Variants in YARS2 observed in about 807,000 individuals in gnomAD.
YARS2 encodes the protein tyrosyl-tRNA synthetase 2.
YARS2 carries 38 observed loss-of-function variants against 45.0 expected under a neutral mutation model. The ratio of observed to expected loss-of-function variants is 0.84; its 90% CI spans 0.65 to 1.11. The LOEUF is 1.11. Ranked by LOEUF, YARS2 falls within the 50% of genes least tolerant of loss-of-function variation. The pLI is 0.00. For missense variants in YARS2, 602 were observed against 599.8 expected (o/e 1.00, Z -0.04); for synonymous variants, 287 against 245.1 (o/e 1.17, Z -1.60).
chr12:32,747,795 C>G (rs1195055738), intron 4 of YARS2, among the ~76,000 whole-genome samples: 1 of 152,132 alleles, frequency 6.6e-6, no homozygotes, highest in African/African-American at 2.4e-5. Flanking sequence ...CTTGGCCTCC[C>G]AAAGTGCTGG....
At chr12:32,754,713 T>C (rs1437004324) in intron 1 of YARS2, among the ~76,000 whole-genome samples, 2 of 140,582 alleles carry the variant, frequency 1.4e-5, no homozygotes, top group East Asian at 4.0e-4. Context: ...CTGTTTCCCT[T>C]TTTTTTTTTT....
Position 32,755,364 on chromosome 12 carries a change from G to T in YARS2, c.511C>A (p.Leu171Met), listed in dbSNP as rs1169652465. 1.9e-6 allele frequency: 3 copies of T among 1,614,094 alleles called. No individual in the cohort carries two copies. In the African/African-American group the frequency reaches 4.0e-5, roughly 21 times the overall value. ...DGRSWGSFTV[L>M]DNSAWYQKQH... ...TTCTGGTACCAGGCCGAGTTGTCCA[G>T]CACAGTGAAGCTGCCCCAGGAGCGC... Residue 171 changes from leucine (L) to methionine (M), a missense_variant, in exon 1 of 5, where the codon CTG becomes ATG. Physicochemically the swap from Leu to Met is conservative, Grantham distance 15. Transcript: ENST00000324868.
chr12:32,748,419 C>T (rs1055749181), intron 4 of YARS2, among the ~76,000 whole-genome samples: 2 of 151,672 alleles, frequency 1.3e-5, no homozygotes, highest in African/African-American at 4.8e-5. Context: ...AGATCATGTT[C>T]TATGTTTAAT....
In YARS2 at chr12:32,755,698, T is replaced by C; in HGVS notation, c.177A>G (p.Ile59Met). The change falls in exon 1 of 5, where the codon ATA becomes ATG. Residue 59 changes from isoleucine (I) to methionine (M), a missense_variant. Transcript: ENST00000324868. ...KDFFPETGTK[I>M]ELPELFDRGT... is the part of the protein sequence containing the mutation. ...CACGGTCGAAGAGCTCTGGGAGCTC[T>C]ATTTTCGTCCCCGTCTCCGGGAAGA... The C allele has an allele frequency of 6.2e-7, 1 of 1,614,262 alleles. No individual in the cohort carries two copies. The highest frequency in any genetic ancestry group is 1.1e-5 in the South Asian group (1 of 91,092).
chr12:32,755,343 G>A lies in YARS2; in HGVS notation c.532C>T (p.Gln178Ter). Residue 178 changes from glutamine to a stop codon, truncating the protein, a stop_gained, in exon 1 of 5, where the codon CAG (glutamine) becomes TAG (stop). Coordinates refer to ENST00000324868, the MANE Select transcript of YARS2 (RefSeq NM_001040436.3). LOFTEE classifies it high-confidence loss of function. ...AGGAAGTCCACCAGGTGCTGCTTCT[G>A]GTACCAGGCCGAGTTGTCCAGCACA... ...FTVLDNSAWYQKQHLVDFLAA... is the reference protein window; with the variant it reads ...FTVLDNSAWY The A allele has an allele frequency of 6.2e-7, 1 of 1,614,116 alleles. No homozygotes were observed. The highest frequency in any genetic ancestry group is 8.5e-7 in the Non-Finnish European group (1 of 1,180,040).
chr12:32,755,634 C>G lies in YARS2; in HGVS notation c.241G>C (p.Asp81His). The G allele has an allele frequency of 6.2e-7, 1 of 1,614,184 alleles. No individual in the cohort carries two copies. Among genetic ancestry groups the G allele is most frequent in the Non-Finnish European group, 8.5e-7 (1 of 1,180,030 alleles). ...SFPQTIYCGF[D>H]PTADSLHVGH... Reference sequence around the variant, plus strand: ...ACATGAAGCGAGTCTGCCGTGGGGTCGAAGCCACAGTAAATGGTTTGGGGA... The same window carrying G: ...ACATGAAGCGAGTCTGCCGTGGGGTGGAAGCCACAGTAAATGGTTTGGGGA... The change falls in exon 1 of 5, where the codon GAC (aspartate) becomes CAC (histidine). Residue 81 changes from aspartate (D) to histidine (H), a missense_variant. Asp to His is a moderately conservative substitution (Grantham distance 81). Coordinates refer to ENST00000324868, the MANE Select transcript of YARS2 (RefSeq NM_001040436.3).
chr12:32,755,347 C>G lies in YARS2; in HGVS notation c.528G>C (p.Trp176Cys). The G allele has an allele frequency of 6.2e-7, 1 of 1,614,118 alleles. No homozygotes were observed. Among genetic ancestry groups the G allele is most frequent in the Non-Finnish European group, 8.5e-7 (1 of 1,180,034 alleles). Residue 176 changes from tryptophan to cysteine, a missense_variant, in exon 1 of 5, where the codon TGG (tryptophan) becomes TGC (cysteine). By Grantham distance (215) the Trp-to-Cys change is radical (BLOSUM62 -2). Transcript: ENST00000324868. ...AGTCCACCAGGTGCTGCTTCTGGTACCAGGCCGAGTTGTCCAGCACAGTGA... is the reference window on the plus strand; with the variant it reads ...AGTCCACCAGGTGCTGCTTCTGGTAGCAGGCCGAGTTGTCCAGCACAGTGA... ...GSFTVLDNSA[W>C]YQKQHLVDFL...
At chr12:32,752,410 T>C (rs1017730805) in intron 2 of YARS2, among the ~76,000 whole-genome samples, 4 of 152,126 alleles carry the variant, frequency 2.6e-5, no homozygotes, top group African/African-American at 9.7e-5. Flanking sequence ...AAAGTAATTG[T>C]ATTTCTATAC....
intron 2 of YARS2, among the ~76,000 whole-genome samples, chr12:32,753,243 T>G (rs1307871906): frequency 6.6e-6 from 1 of 152,180 alleles, no homozygotes; most frequent in Non-Finnish European, 1.5e-5. Context: ...GTCACTACAC[T>G]CTAGCCTGGG....
At chr12:32,751,516 G>T (rs1477547115) in intron 2 of YARS2, among the ~76,000 whole-genome samples, 1 of 151,576 alleles carries the variant, frequency 6.6e-6, no homozygotes, top group Non-Finnish European at 1.5e-5. Flanking sequence ...ATGTGCATGT[G>T]GCCATAAAAA....
chr12:32,747,422 A>G, intron 4 of YARS2, 59 bp from the exon 5 acceptor site: 1 of 1,562,588 alleles, frequency 6.4e-7, no homozygotes, highest in East Asian at 2.2e-5. Flanking sequence ...TCTGTCCCCC[A>G]AAAAAGACTG....
In YARS2 at chr12:32,749,856, C is replaced by T. The variant is rs974950617; in HGVS notation, c.1274+81G>A. 6 of 1,544,822 alleles carry T rather than the reference C, an allele frequency of 3.9e-6. No individual in the cohort carries two copies. In the Admixed American group the frequency reaches 8.4e-5, roughly 22 times the overall value. On this transcript the variant is annotated intron_variant, in intron 4 of 4. Transcript: ENST00000324868. ...CCTCCCAATGTGCTGTGATTACAGG[C>T]ATGAGCCACTTCTCCTGGCCTTGTG...
At position 32,753,973 on chromosome 12, in the gene YARS2, A is replaced by T. The variant is rs1351829762; in HGVS notation, c.892T>A (p.Ser298Thr). 2 of 1,614,188 alleles carry T rather than the reference A, an allele frequency of 1.2e-6. No individual in the cohort carries two copies. Among genetic ancestry groups the T allele is most frequent in the East Asian group, 4.5e-5 (2 of 44,882 alleles). Residue 298 changes from serine to threonine, a missense_variant, in exon 2 of 5, where the codon TCT (serine) becomes ACT (threonine). By Grantham distance (58) the Ser-to-Thr change is moderately conservative. Transcript: ENST00000324868. ...AAGAATTGATACAATTCAAATGGAG[A>T]TGTCTTATCTCTGTTTAGCCAAACA... ...NAVWLNRDKT[S>T]PFELYQFFVR...
At chr12:32,752,108 T>C (rs541417455) in intron 2 of YARS2, among the ~76,000 whole-genome samples, 6 of 152,306 alleles carry the variant, frequency 3.9e-5, no homozygotes, top group African/African-American at 1.4e-4. Context: ...CACTCTACGA[T>C]ATTTGCAATG....
At position 32,750,780 on chromosome 12, in the gene YARS2, G is replaced by A. The variant is rs757778549; in HGVS notation, c.1042C>T (p.Arg348Ter). 3.7e-6 allele frequency: 6 copies of A among 1,614,100 alleles called. No homozygotes were observed. The highest frequency in any genetic ancestry group is 4.5e-5 in the East Asian group (2 of 44,866). ...AGCTTTGTTACTTCTGCTGCCAGTC[G>A]TTTCTGAGGACCCCGCCTTTCTGGC... The part of the protein sequence containing the change: ...KEPERRGPQK[R>*]LAAEVTKLVH... The change falls in exon 3 of 5, where the codon CGA becomes TGA. Residue 348 changes from arginine to a stop codon, truncating the protein, a stop_gained. Coordinates refer to ENST00000324868, the MANE Select transcript of YARS2 (RefSeq NM_001040436.3). LOFTEE classifies it high-confidence loss of function.
At position 32,755,553 on chromosome 12, in the gene YARS2, C is replaced by T. The variant is rs1372164148; in HGVS notation, c.322G>A (p.Val108Met). Residue 108 changes from valine to methionine, a missense_variant, in exon 1 of 5, where the codon GTG (valine) becomes ATG (methionine). Coordinates refer to ENST00000324868, the MANE Select transcript of YARS2 (RefSeq NM_001040436.3). ...GTGGCGCCTCCCACCAGCGCGATCA[C>T]GTTGTGGCCCGCTCGCTGCAAATGA... ...LFHLQRAGHN[V>M]IALVGGATAR... 1 of 1,613,576 alleles carries T rather than the reference C, an allele frequency of 6.2e-7. No homozygotes were observed. Among genetic ancestry groups the T allele is most frequent in the Non-Finnish European group, 8.5e-7 (1 of 1,179,886 alleles).
In YARS2 at chr12:32,755,402, AGCT is replaced by A. The variant is rs749297703; in HGVS notation, c.470_472del (p.Gln157del). The A allele has an allele frequency of 1.9e-6, 3 of 1,613,794 alleles. No homozygotes were observed. The highest frequency in any genetic ancestry group is 2.5e-6 in the Non-Finnish European group (3 of 1,180,024). ...GCCCCAGGAGCGCCCATCAGTGAAA[AGCT>A]GCTGGTGATTAGCCGCCAGGGCCTC... On this transcript the variant is annotated inframe_deletion, in exon 1 of 5. Transcript: ENST00000324868.
At position 32,755,510 on chromosome 12, in the gene YARS2, G is replaced by T; in HGVS notation, c.365C>A (p.Pro122Gln). ...VGGATARLGD[P>Q]SGRTKEREAL... ...CTCGCGTTCCTTGGTACGGCCGCTC[G>T]GGTCTCCCAGGCGCGCCGTGGCGCC... Residue 122 changes from proline to glutamine, a missense_variant, in exon 1 of 5, where the codon CCG becomes CAG. Coordinates refer to ENST00000324868, the MANE Select transcript of YARS2 (RefSeq NM_001040436.3). 1 of 1,612,498 alleles carries T rather than the reference G, an allele frequency of 6.2e-7. No homozygotes were observed. Among genetic ancestry groups the T allele is most frequent in the African/African-American group, 1.3e-5 (1 of 75,046 alleles).
rs748243364 is a variant in YARS2, at chr12:32,755,224, G to A, written c.651C>T (p.Ala217=). 1 of 1,614,130 alleles carries A rather than the reference G, an allele frequency of 6.2e-7. No homozygotes were observed. The change falls in exon 1 of 5, where the codon GCC becomes GCT. Residue 217 remains alanine (A), a synonymous_variant. Coordinates refer to ENST00000324868, the MANE Select transcript of YARS2 (RefSeq NM_001040436.3). ...RLKSPEGMSL[A]EFFYQVLQAY... ...CCTGGAGCACCTGGTAAAAGAACTC[G>A]GCCAAGCTCATGCCCTCGGGGCTCT...
Sources: allele counts gnomAD v4.1 joint callset (sites outside exome capture counted in the v4.1 genomes callset), GRCh38; gene constraint gnomAD v4.1.1; transcripts MANE v1.5; gene names NCBI Gene and HGNC (gene_info 2026-07-23, HGNC 2026-07-21).